IL6R: variants seen among roughly 807,000 people sequenced by gnomAD.
The protein encoded by IL6R is interleukin-6 receptor subunit alpha.
Under a neutral mutation model 48.3 loss-of-function variants are expected in IL6R, and 38 were observed. The observed-to-expected ratio is 0.79, with a 90% confidence interval of 0.61 to 1.03. The LOEUF (loss-of-function observed/expected upper bound fraction) is 1.03, where lower values mean the gene tolerates loss of function less well. IL6R is among the 50% of genes least tolerant of loss of function. The probability of loss-of-function intolerance (pLI) is 0.00; values close to 1 mark genes in which losing one functional copy is unlikely to be tolerated. For synonymous variants in IL6R, 264 were observed against 256.2 expected, an observed-to-expected ratio of 1.03 and a Z score of -0.29; for missense variants, 534 against 618.3, an observed-to-expected ratio of 0.86 and a Z score of 1.45.
At chr1:154,449,848 A>G in intron 7 of IL6R, 63 bp from the exon 8 acceptor site, 1 of 1,050,974 alleles carries the variant, frequency 9.5e-7, no homozygotes, top group Non-Finnish European at 1.5e-6. Flanking sequence ...TAACTCCTGA[A>G]CTGGTTCTGA....
intron 6 of IL6R, chr1:154,437,558 C>T (rs757604599): frequency 4.7e-5 from 19 of 402,288 alleles, no homozygotes; most frequent in African/African-American, 8.4e-5. Flanking sequence ...GGACCACAGG[C>T]GTGTGCCACA....
Position 154,405,697 on chromosome 1 carries a change from G to C in IL6R, c.68G>C (p.Arg23Thr). 1 of 1,521,506 alleles carries C rather than the reference G, an allele frequency of 6.6e-7. No homozygotes were observed. Among genetic ancestry groups the C allele is most frequent in the South Asian group, 1.2e-5 (1 of 82,942 alleles). The allele number at this position is 1,521,506 out of a possible 1,614,324, so 94.3% of individuals were successfully genotyped here. The change falls in exon 1 of 10, where the codon AGG (arginine) becomes ACG (threonine). Residue 23 changes from arginine (R) to threonine (T), a missense_variant. By Grantham distance (71) the Arg-to-Thr change is moderately conservative. Coordinates refer to ENST00000368485, the MANE Select transcript of IL6R (RefSeq NM_000565.4). The surrounding 1 kb of genome is among the most constrained non-coding windows in gnomAD (Gnocchi z 5.2). Reference sequence around the variant, plus strand: ...GCGCCGGGAGCGGCGCTGGCCCCAAGGCGCTGCCCTGCGCAGGGTAAGGGC... The same window carrying C: ...GCGCCGGGAGCGGCGCTGGCCCCAACGCGCTGCCCTGCGCAGGGTAAGGGC... ...LAAPGAALAPRRCPAQEVARG... is the reference protein window; with the variant it reads ...LAAPGAALAPTRCPAQEVARG...
At chr1:154,450,305 T>A (rs149402993) in intron 8 of IL6R, among the ~76,000 whole-genome samples, 5,538 of 152,164 alleles carry the variant, frequency 0.036, 318 homozygotes, top group African/African-American at 0.12. Context: ...TTTGTATTTT[T>A]ACTAGAGACA....
intron 6 of IL6R, among the ~76,000 whole-genome samples, chr1:154,447,809 G>A (rs1007133774): frequency 3.3e-5 from 5 of 151,736 alleles, no homozygotes; most frequent in African/African-American, 1.2e-4. Flanking sequence ...CCGCCTCCCG[G>A]GTTCAAACGA....
chr1:154,416,325 T>C (rs1440703208), intron 1 of IL6R, among the ~76,000 whole-genome samples: 1 of 151,276 alleles, frequency 6.6e-6, no homozygotes, highest in Non-Finnish European at 1.5e-5. Flanking sequence ...TTTTTTTTTT[T>C]GTAGAGATGG....
chr1:154,429,717 G>T (rs1224750143), intron 2 of IL6R, among the ~76,000 whole-genome samples: 1 of 152,136 alleles, frequency 6.6e-6, no homozygotes, highest in East Asian at 1.9e-4. Flanking sequence ...GGCAGCCTGG[G>T]TTTGAATCCT....
chr1:154,453,522 C>T (rs905732764), intron 8 of IL6R, among the ~76,000 whole-genome samples: 8 of 152,220 alleles, frequency 5.3e-5, no homozygotes, highest in African/African-American at 1.4e-4. Context: ...TTTAGATGTG[C>T]CCTCTGTCTA....
intron 6 of IL6R, among the ~76,000 whole-genome samples, chr1:154,439,367 T>C (rs1422074014): frequency 6.6e-6 from 1 of 152,210 alleles, no homozygotes; most frequent in Non-Finnish European, 1.5e-5. Context: ...CAGGCTAGAG[T>C]GCAGTGGCGT....
rs1691528121 is a variant in IL6R, at chr1:154,465,814, G to C, written c.*434G>C. On this transcript the variant is annotated 3_prime_UTR_variant, in exon 10 of 10. Transcript: ENST00000368485. Reference sequence around the variant, plus strand: ...AGCCTCCTCCAGCCGCCATGCTCCTGGCCCACTGCATCGTTTCATCTTCCA... The same window carrying C: ...AGCCTCCTCCAGCCGCCATGCTCCTCGCCCACTGCATCGTTTCATCTTCCA... 5.8e-6 allele frequency: 1 copy of C among 172,088 alleles called. No homozygotes were observed. The highest frequency in any genetic ancestry group is 2.4e-5 in the African/African-American group (1 of 42,116). The allele number at this position is 172,088 out of a possible 1,614,324, so 10.7% of individuals were successfully genotyped here.
intron 1 of IL6R, among the ~76,000 whole-genome samples, chr1:154,428,585 C>T (rs187056190): frequency 9.2e-5 from 14 of 152,308 alleles, no homozygotes; most frequent in Admixed American, 3.9e-4. Flanking sequence ...GGCAACGTCC[C>T]GGGCACTTGG....
rs757221328 is a variant in IL6R, at chr1:154,448,875, CTTTTTTT to C, written c.996+727_996+733del. ...CATTGCAAGGGAGTGCTTGTAAGGG[CTTTTTTT>C]TTTTTTTTTTTTTTTTTTTTTTGAG... is the stretch of plus-strand genomic sequence containing the variant. On this transcript the variant is annotated intron_variant, in intron 7 of 9. Coordinates refer to ENST00000368485, the MANE Select transcript of IL6R (RefSeq NM_000565.4). 3.1e-4 allele frequency among the ~76,000 whole-genome samples: 23 copies of C among 73,308 alleles called. 1 individual carries two copies. The highest frequency in any genetic ancestry group is 5.0e-4 in the South Asian group (1 of 1,994). The allele number at this position is 73,308 out of a possible 152,430, so 48.1% of individuals were successfully genotyped here.
intron 9 of IL6R, among the ~76,000 whole-genome samples, chr1:154,458,490 A>G (rs1691049983): frequency 6.6e-6 from 1 of 152,130 alleles, no homozygotes; most frequent in Non-Finnish European, 1.5e-5. Flanking sequence ...CTCTGTGTCT[A>G]CGTTAGGGCT....
At chr1:154,415,094 G>A (rs1688257950) in intron 1 of IL6R, 2 of 1,278,056 alleles carry the variant, frequency 1.6e-6, no homozygotes, top group South Asian at 1.3e-5. Flanking sequence ...TGCTAAGATT[G>A]GGGCTTTTAC....
At chr1:154,436,474 G>A (rs1189810558) in intron 6 of IL6R, among the ~76,000 whole-genome samples, 1 of 152,190 alleles carries the variant, frequency 6.6e-6, no homozygotes, top group Non-Finnish European at 1.5e-5. Flanking sequence ...ACGAAACTCC[G>A]TCTCAAAACA....
At chr1:154,417,633 G>A (rs903378941) in intron 1 of IL6R, among the ~76,000 whole-genome samples, 1 of 151,904 alleles carries the variant, frequency 6.6e-6, no homozygotes, top group African/African-American at 2.4e-5. Context: ...GCAGTGGTGC[G>A]ATCTCGGCTC....
intron 6 of IL6R, among the ~76,000 whole-genome samples, chr1:154,439,611 T>G (rs1418056390): frequency 6.6e-6 from 1 of 152,110 alleles, no homozygotes; most frequent in Non-Finnish European, 1.5e-5. Context: ...CACCGCGCCC[T>G]GCCCATTTAT....
Position 154,434,625 on chromosome 1 carries a change from A to T in IL6R, c.565A>T (p.Ile189Leu), listed in dbSNP as rs143779412. 1.9e-6 allele frequency: 3 copies of T among 1,613,984 alleles called. No individual in the cohort carries two copies. Among genetic ancestry groups the T allele is most frequent in the South Asian group, 1.1e-5 (1 of 91,080 alleles). ...CCCGGAGGGAGACAGCTCTTTCTAC[A>T]TAGTGTCCATGTGCGTCGCCAGTAG... ...AVPEGDSSFY[I>L]VSMCVASSVG... Residue 189 changes from isoleucine to leucine, a missense_variant, in exon 4 of 10, where the codon ATA becomes TTA. By Grantham distance (5) the Ile-to-Leu change is conservative. Transcript: ENST00000368485.
intron 1 of IL6R, chr1:154,415,170 G>A (rs1406105495): frequency 5.4e-6 from 4 of 741,136 alleles, no homozygotes; most frequent in African/African-American, 5.2e-5. Flanking sequence ...GCCCTAGGTC[G>A]CCAGGGGCCC....
At chr1:154,420,986 G>A (rs532317407) in intron 1 of IL6R, among the ~76,000 whole-genome samples, 33 of 152,246 alleles carry the variant, frequency 2.2e-4, no homozygotes, top group Non-Finnish European at 3.8e-4. Flanking sequence ...GTTTGTTTTC[G>A]GGAGGCAATA....
Sources: gnomAD v4.1 joint callset for allele counts (sites outside exome capture counted in the v4.1 genomes callset) on GRCh38, gnomAD v4.1.1 for gene constraint, Gnocchi (gnomAD v3.1) non-coding constraint, MANE v1.5 for transcripts, NCBI Gene and HGNC (gene_info 2026-07-23, HGNC 2026-07-21) for gene names.